The following CMTM4 variants were observed in gnomAD, a reference collection of about 807,000 sequenced individuals.
CMTM4 encodes the protein CKLF-like MARVEL transmembrane domain-containing protein 4.
A neutral mutation model predicts 19.0 loss-of-function variants in CMTM4; 8 were observed. The observed-to-expected ratio is 0.42, with a 90% confidence interval of 0.25 to 0.76. The LOEUF is 0.76. CMTM4 is among the 30% of genes least tolerant of loss of function. CMTM4 has a pLI of 0.27. For missense variants in CMTM4, 228 were observed against 290.2 expected, an observed-to-expected ratio of 0.79 and a Z score of 1.56; for synonymous variants, 106 against 121.1, an observed-to-expected ratio of 0.88 and a Z score of 0.82.
At chr16:66,625,373 G>A (rs1236681943) in intron 2 of CMTM4, among the ~76,000 whole-genome samples, 2 of 151,732 alleles carry the variant, frequency 1.3e-5, no homozygotes, top group East Asian at 3.9e-4. Flanking sequence ...GGCGGAGGTT[G>A]CAGTGAGCCA....
chr16:66,662,676 T>C (rs1439233341), intron 1 of CMTM4, among the ~76,000 whole-genome samples: 3 of 151,954 alleles, frequency 2.0e-5, no homozygotes, highest in East Asian at 3.9e-4. Flanking sequence ...TCCCCTGTCC[T>C]CCCACCATGT....
chr16:66,613,384 TGGGC>T (rs2015457156), downstream of CMTM4: 1 of 442,214 alleles, frequency 2.3e-6, no homozygotes, highest in Admixed American at 3.5e-5. Flanking sequence ...CATGGGGAGC[TGGGC>T]GGGCCCAGCC....
Position 66,618,052 on chromosome 16 carries a change from G to A in CMTM4, c.*4006C>T, listed in dbSNP as rs568114984. On this transcript the variant is annotated 3_prime_UTR_variant, in exon 4 of 4. Coordinates refer to ENST00000394106, the MANE Select transcript of CMTM4 (RefSeq NM_181521.3). ...ACCTGGCCGTGTGTGGACCTCACCA[G>A]CCTACCAAGCTGTTGGGCCTGGACG... The A allele has an allele frequency of 1.2e-5, 12 of 985,514 alleles. No individual in the cohort carries two copies. In the African/African-American group the frequency reaches 1.6e-4, roughly 13 times the overall value. The allele number at this position is 985,514 out of a possible 1,614,324, so 61.0% of individuals were successfully genotyped here.
At chr16:66,651,830 C>T (rs188851359) in intron 1 of CMTM4, among the ~76,000 whole-genome samples, 61 of 152,324 alleles carry the variant, frequency 4.0e-4, no homozygotes, top group African/African-American at 1.4e-3. Context: ...GGATGATAAA[C>T]TTAAAATATC....
At chr16:66,639,411 C>T (rs1261084421) in intron 1 of CMTM4, among the ~76,000 whole-genome samples, 1 of 152,122 alleles carries the variant, frequency 6.6e-6, no homozygotes, top group Non-Finnish European at 1.5e-5. Flanking sequence ...TTTGTTGTGG[C>T]AGTGAACAAA....
chr16:66,662,186 A>G (rs1274667829), intron 1 of CMTM4, among the ~76,000 whole-genome samples: 1 of 152,236 alleles, frequency 6.6e-6, no homozygotes, highest in Non-Finnish European at 1.5e-5. Context: ...TGTCTGTCCC[A>G]CTGAATGCTG....
At chr16:66,657,326 G>A (rs2016416999) in intron 1 of CMTM4, among the ~76,000 whole-genome samples, 1 of 152,092 alleles carries the variant, frequency 6.6e-6, no homozygotes, top group Non-Finnish European at 1.5e-5. Context: ...CCGGACCTCA[G>A]GTGATCTGCC....
intron 2 of CMTM4, among the ~76,000 whole-genome samples, chr16:66,628,252 T>A (rs929686228): frequency 1.3e-5 from 2 of 152,220 alleles, no homozygotes; most frequent in African/African-American, 4.8e-5. Context: ...CCTTTCTCTA[T>A]CTCAACTGCA....
At position 66,620,035 on chromosome 16, in the gene CMTM4, T is replaced by A. The variant is rs1463616051; in HGVS notation, c.*2023A>T. 1 of 985,424 alleles carries A rather than the reference T, an allele frequency of 1.0e-6. No homozygotes were observed. 61.0% of individuals were successfully genotyped at this position (985,424 alleles called of 1,614,324 possible). A position where few individuals can be genotyped will look rare whatever the true frequency, so the allele number is the denominator to read the frequency against. ...ATCAAGTGGTTTTACTGAAGTGAGCTGGGAAAACTTGGGCAACAAGCCCAC... is the reference window on the plus strand; with the variant it reads ...ATCAAGTGGTTTTACTGAAGTGAGCAGGGAAAACTTGGGCAACAAGCCCAC... On this transcript the variant is annotated 3_prime_UTR_variant, in exon 4 of 4. Coordinates refer to ENST00000394106, the MANE Select transcript of CMTM4 (RefSeq NM_181521.3).
downstream of CMTM4, among the ~76,000 whole-genome samples, chr16:66,614,441 G>C (rs752595223): frequency 2.6e-5 from 4 of 152,216 alleles, no homozygotes; most frequent in Non-Finnish European, 5.9e-5. This position sits in a 1 kb window ranked among gnomAD's most constrained non-coding sequence, Gnocchi z 4.9. Flanking sequence ...CAGCCCTGGA[G>C]GACCCGGGTC....
At position 66,622,231 on chromosome 16, in the gene CMTM4, A is replaced by G; in HGVS notation, c.463-9T>C. On this transcript the variant is annotated splice_polypyrimidine_tract_variant and intron_variant, in intron 3 of 3. Coordinates refer to ENST00000394106, the MANE Select transcript of CMTM4 (RefSeq NM_181521.3). The surrounding 1 kb of genome is among the most constrained non-coding windows in gnomAD (Gnocchi z 4.0). ...GCCAAGAAGCCAAATATCTAAAAAC[A>G]CACCAGCACAGTTAGTCCTCGGGCA... The G allele has an allele frequency of 6.2e-7, 1 of 1,613,258 alleles. No individual in the cohort carries two copies. Among genetic ancestry groups the G allele is most frequent in the South Asian group, 1.1e-5 (1 of 90,796 alleles).
rs2015580258 is a variant in CMTM4 at position 66,619,066 on chromosome 16, A to T, written c.*2992T>A. 1.0e-6 allele frequency: 1 copy of T among 985,382 alleles called. No individual in the cohort carries two copies. The highest frequency in any genetic ancestry group is 1.2e-6 in the Non-Finnish European group (1 of 829,952). 61.0% of individuals were successfully genotyped at this position (985,382 alleles called of 1,614,324 possible). ...TACTTCAAATCAAACTTCTCTGACG[A>T]GATTTTAATCTGAAACTGCATCTGT... On this transcript the variant is annotated 3_prime_UTR_variant, in exon 4 of 4. Transcript: ENST00000394106.
chr16:66,674,576 G>A (rs754901524), intron 1 of CMTM4, among the ~76,000 whole-genome samples: 17 of 151,984 alleles, frequency 1.1e-4, no homozygotes, highest in South Asian at 4.2e-4. Flanking sequence ...ATTTCCACTG[G>A]AATTAGGTTC....
intron 1 of CMTM4, among the ~76,000 whole-genome samples, chr16:66,639,184 G>C (rs2016055058): frequency 6.6e-6 from 1 of 152,036 alleles, no homozygotes; most frequent in Non-Finnish European, 1.5e-5. Context: ...ATTCACAAAA[G>C]AAATAGTTCA....
At chr16:66,656,185 T>A (rs72790478) in intron 1 of CMTM4, among the ~76,000 whole-genome samples, 80 of 152,024 alleles carry the variant, frequency 5.3e-4, no homozygotes, top group Non-Finnish European at 9.1e-4. Flanking sequence ...ACTCATGAGT[T>A]CATACAAATT....
chr16:66,645,245 C>T (rs1230184393), intron 1 of CMTM4, among the ~76,000 whole-genome samples: 1 of 151,694 alleles, frequency 6.6e-6, no homozygotes, highest in East Asian at 1.9e-4. Context: ...GATTGCGTCA[C>T]TGCACTCCAG....
chr16:66,647,455 C>T (rs879468227), intron 1 of CMTM4, among the ~76,000 whole-genome samples: 1 of 151,968 alleles, frequency 6.6e-6, no homozygotes, highest in Non-Finnish European at 1.5e-5. Flanking sequence ...CAAAAACTTA[C>T]CCTGTTTTTC....
In CMTM4 at chr16:66,620,797, AC is replaced by A; in HGVS notation, c.*1260del. 1.0e-6 allele frequency: 1 copy of A among 985,684 alleles called. No homozygotes were observed. Among genetic ancestry groups the A allele is most frequent in the Non-Finnish European group, 1.2e-6 (1 of 829,862 alleles). 61.1% of individuals were successfully genotyped at this position (985,684 alleles called of 1,614,324 possible). ...AGGGAAAACCTGACAAACTAAAACA[AC>A]TTTTTTCCATAAAAGATATAATTAC... On this transcript the variant is annotated 3_prime_UTR_variant, in exon 4 of 4. Coordinates refer to ENST00000394106, the MANE Select transcript of CMTM4 (RefSeq NM_181521.3).
chr16:66,660,387 C>CAAAAA (rs34266604), intron 1 of CMTM4, among the ~76,000 whole-genome samples: 4 of 84,508 alleles, frequency 4.7e-5, no homozygotes, highest in Non-Finnish European at 7.0e-5. Context: ...GATCCTGTCT[C>CAAAAA]AAAAAAAAAA....
Sources: allele counts gnomAD v4.1 joint callset (sites outside exome capture counted in the v4.1 genomes callset), GRCh38; gene constraint gnomAD v4.1.1; non-coding constraint Gnocchi (gnomAD v3.1); transcripts MANE v1.5; gene names NCBI Gene and HGNC (gene_info 2026-07-23, HGNC 2026-07-21).